Variants in CAST observed in about 807,000 individuals in gnomAD.
The protein encoded by CAST is calpastatin.
Under a neutral mutation model 119.6 loss-of-function variants are expected in CAST, and 76 were observed. The ratio of observed to expected loss-of-function variants is 0.64; its 90% CI spans 0.53 to 0.77. The LOEUF is 0.77. Among genes scored for constraint, CAST ranks in the 30% least tolerant of loss-of-function variants. The probability of loss-of-function intolerance (pLI) is 0.00; values close to 1 mark genes in which losing one functional copy is unlikely to be tolerated. For synonymous variants in CAST, 319 were observed against 331.6 expected, an observed-to-expected ratio of 0.96 and a Z score of 0.41; for missense variants, 953 against 946.5, an observed-to-expected ratio of 1.01 and a Z score of -0.09.
chr5:96,075,696 G>C, the CAST span, among the ~76,000 whole-genome samples: 1 of 152,170 alleles, frequency 6.6e-6, no homozygotes, highest in East Asian at 1.9e-4. Context: ...GAGCCATGTT[G>C]AGGAAAGAGG....
chr5:95,991,497 GTTTTTTTTT>G, the CAST span, among the ~76,000 whole-genome samples: 1 of 64,958 alleles, frequency 1.5e-5, no homozygotes, highest in Non-Finnish European at 2.8e-5. Flanking sequence ...AACAAGTTTT[GTTTTTTTTT>G]TTTTTTTTTT....
the CAST span, among the ~76,000 whole-genome samples, chr5:96,292,522 C>G: frequency 6.6e-6 from 1 of 152,098 alleles, no homozygotes; most frequent in Admixed American, 6.6e-5. Context: ...GACTGAATTG[C>G]CTCTGTTTTA....
chr5:96,337,966 C>G, the CAST span, among the ~76,000 whole-genome samples: 1 of 151,996 alleles, frequency 6.6e-6, no homozygotes. Context: ...CTAAGGAAAA[C>G]TTTTAATTTT....
At chr5:96,367,047 G>C in the CAST span, among the ~76,000 whole-genome samples, 1 of 152,364 alleles carries the variant, frequency 6.6e-6, no homozygotes, top group South Asian at 2.1e-4. Context: ...CCTTCTAACA[G>C]TCAGGACCCT....
In CAST at chr5:96,695,884, G is replaced by C; in HGVS notation, c.187G>C (p.Gly63Arg). The change falls in exon 3 of 32, where the codon GGT becomes CGT. Residue 63 changes from glycine (G) to arginine (R), a missense_variant. Physicochemically the swap from Gly to Arg is moderately radical, Grantham distance 125 (BLOSUM62 -2). Transcript: ENST00000675179. Reference sequence around the variant, plus strand: ...CAGTCAATCCTCCAGAACCTATGCTGGTGGAACAGCCTCGGCCACCAAGGT... The same window carrying C: ...CAGTCAATCCTCCAGAACCTATGCTCGTGGAACAGCCTCGGCCACCAAGGT... Reference protein sequence around the residue: ...GSSQSSRTYAGGTASATKVSA... With the variant: ...GSSQSSRTYARGTASATKVSA... The C allele has an allele frequency of 6.2e-7, 1 of 1,612,926 alleles. No individual in the cohort carries two copies. The highest frequency in any genetic ancestry group is 1.3e-5 in the African/African-American group (1 of 75,020).
chr5:96,397,309 T>C, the CAST span: 1 of 1,606,520 alleles, frequency 6.2e-7, no homozygotes, highest in African/African-American at 1.3e-5. Context: ...TAAGCTTGTG[T>C]TTTTTCATCC....
chr5:96,684,860 A>C (rs114813882), intron 2 of CAST, among the ~76,000 whole-genome samples: 1 of 152,108 alleles, frequency 6.6e-6, no homozygotes, highest in Non-Finnish European at 1.5e-5. Flanking sequence ...ATGAGCCACC[A>C]TGCCAGACCG....
rs778045684 is a variant in CAST, at chr5:96,727,563, G to T, written c.378+33G>T. On this transcript the variant is annotated intron_variant, in intron 6 of 31. Transcript: ENST00000675179. ...GTTTAAGTCTGTTAGTTAGTTATTT[G>T]GATTCTTTTTAATAATAATGAATAA... The T allele has an allele frequency of 5.7e-6, 8 of 1,398,934 alleles. No homozygotes were observed. The South Asian group carries it at 7.9e-5, about 14-fold the overall frequency. 86.7% of individuals were successfully genotyped at this position (1,398,934 alleles called of 1,614,324 possible). A position where few individuals can be genotyped will look rare whatever the true frequency, so the allele number is the denominator to read the frequency against.
the CAST span, among the ~76,000 whole-genome samples, chr5:96,450,495 CATT>C: frequency 6.6e-6 from 1 of 152,120 alleles, no homozygotes; most frequent in Non-Finnish European, 1.5e-5. Flanking sequence ...GTACAATGTA[CATT>C]ATTCGAGTGA....
chr5:96,022,476 A>G, the CAST span, among the ~76,000 whole-genome samples: 1 of 152,214 alleles, frequency 6.6e-6, no homozygotes, highest in East Asian at 1.9e-4. Flanking sequence ...TGCACAGCCA[A>G]ACACTGGACA....
At chr5:96,203,935 C>A in the CAST span, among the ~76,000 whole-genome samples, 1 of 152,068 alleles carries the variant, frequency 6.6e-6, no homozygotes, top group East Asian at 1.9e-4. Flanking sequence ...ATAGACCGGG[C>A]TGATGAGTAA....
At chr5:96,099,608 T>A in the CAST span, among the ~76,000 whole-genome samples, 1 of 152,232 alleles carries the variant, frequency 6.6e-6, no homozygotes, top group African/African-American at 2.4e-5. Flanking sequence ...TTTAGTTCTG[T>A]TTATATGATG....
the CAST span, among the ~76,000 whole-genome samples, chr5:96,108,267 G>C: frequency 6.6e-6 from 1 of 152,220 alleles, no homozygotes; most frequent in Non-Finnish European, 1.5e-5. Flanking sequence ...TTGCTGGTGA[G>C]GAACTGCGTT....
At chr5:96,328,623 TAGCATTTC>T in the CAST span, among the ~76,000 whole-genome samples, 1 of 152,190 alleles carries the variant, frequency 6.6e-6, no homozygotes, top group Non-Finnish European at 1.5e-5. Flanking sequence ...TGACCTGCAA[TAGCATTTC>T]AGACCATCTG....
the CAST span, among the ~76,000 whole-genome samples, chr5:96,126,636 G>A: frequency 4.0e-5 from 6 of 151,874 alleles, no homozygotes; most frequent in Non-Finnish European, 7.4e-5. Flanking sequence ...TGTTGTATTT[G>A]TAAGTATTCA....
chr5:96,116,509 G>C, the CAST span, among the ~76,000 whole-genome samples: 32 of 152,272 alleles, frequency 2.1e-4, no homozygotes, highest in Middle Eastern at 3.4e-3. Context: ...TCCCAGAGTG[G>C]CTATACTGTG....
At chr5:96,618,794 C>T (rs2150198389) in intron 1 of CAST, among the ~76,000 whole-genome samples, 1 of 152,346 alleles carries the variant, frequency 6.6e-6, no homozygotes, top group African/African-American at 2.4e-5. Flanking sequence ...CGAGCCTCCC[C>T]CACCCCGTGG....
chr5:96,419,002 A>C, the CAST span, among the ~76,000 whole-genome samples: 1 of 152,094 alleles, frequency 6.6e-6, no homozygotes, highest in African/African-American at 2.4e-5. Context: ...GCAAACACTT[A>C]CTTAACTTTT....
the CAST span, among the ~76,000 whole-genome samples, chr5:96,081,734 A>T: frequency 6.6e-6 from 1 of 152,086 alleles, no homozygotes; most frequent in East Asian, 1.9e-4. Flanking sequence ...AGCCTGGAGA[A>T]ATGGAACTCT....
Sources: allele counts gnomAD v4.1 joint callset (sites outside exome capture counted in the v4.1 genomes callset), GRCh38; gene constraint gnomAD v4.1.1; transcripts MANE v1.5; gene names NCBI Gene and HGNC (gene_info 2026-07-23, HGNC 2026-07-21).